The following L3MBTL2 variants were observed in gnomAD, a reference collection of about 807,000 sequenced individuals.
The protein encoded by L3MBTL2 is lethal(3)malignant brain tumor-like protein 2.
A neutral mutation model predicts 86.4 loss-of-function variants in L3MBTL2; 49 were observed. The ratio of observed to expected loss-of-function variants is 0.57; its 90% CI spans 0.45 to 0.72. L3MBTL2 has a LOEUF of 0.72. L3MBTL2 is among the 30% of genes least tolerant of loss of function. The pLI, the probability that L3MBTL2 is intolerant of heterozygous loss-of-function variation, is 0.00. For missense variants in L3MBTL2, 755 were observed against 923.7 expected (o/e 0.82, Z 2.37); for synonymous variants, 336 against 350.6 (o/e 0.96, Z 0.47).
Position 41,224,620 on chromosome 22 carries a change from C to T in L3MBTL2, c.1175-105C>T, listed in dbSNP as rs1046958436. 3 of 810,792 alleles carry T rather than the reference C, an allele frequency of 3.7e-6. No individual in the cohort carries two copies. The highest frequency in any genetic ancestry group is 3.4e-5 in the African/African-American group (2 of 59,164). 50.2% of individuals were successfully genotyped at this position (810,792 alleles called of 1,614,324 possible). On this transcript the variant is annotated intron_variant, in intron 9 of 16. Transcript: ENST00000216237. This position sits in a 1 kb window ranked among gnomAD's most constrained non-coding sequence, Gnocchi z 4.9. ...TGAGATACAGAGATACAGCTGAGAACACGTGCAGAGCAGCCCCACATTCCC... is the reference window on the plus strand; with the variant it reads ...TGAGATACAGAGATACAGCTGAGAATACGTGCAGAGCAGCCCCACATTCCC...
chr22:41,226,625 C>A, intron 12 of L3MBTL2, 37 bp from the exon 13 acceptor site: 2 of 1,455,080 alleles, frequency 1.4e-6, no homozygotes, highest in Non-Finnish European at 1.9e-6. Context: ...TCCTGCTTCC[C>A]CCTCTCCCTC....
chr22:41,230,089 C>CCCCCCCCCCTCTTT (rs1569155063), intron 16 of L3MBTL2, 50 bp from the exon 17 acceptor site: 5 of 873,234 alleles, frequency 5.7e-6, no homozygotes, highest in South Asian at 3.2e-5. Flanking sequence ...GCCCCCACCC[C>CCCCCCCCCCTCTTT]TCCCAGAGTT....
chr22:41,212,846 G>A (rs993963233), intron 2 of L3MBTL2, among the ~76,000 whole-genome samples: 2 of 150,028 alleles, frequency 1.3e-5, no homozygotes, highest in Non-Finnish European at 3.0e-5. Context: ...AATGAGCCAA[G>A]ATGGCGCCAC....
rs778100819 is a variant in L3MBTL2, at chr22:41,227,179, C to T, written c.1678C>T (p.Arg560Ter). The T allele has an allele frequency of 1.9e-6, 3 of 1,613,608 alleles. No homozygotes were observed. The highest frequency in any genetic ancestry group is 1.1e-5 in the South Asian group (1 of 91,074). ...PRLICVATVKRVVHRLLSIHF... is the reference protein window; with the variant it reads ...PRLICVATVK The stretch of plus-strand genomic sequence containing the variant: ...GCTCATCTGTGTGGCCACGGTGAAA[C>T]GAGTGGTGCATCGGCTCCTCAGCAT... The change falls in exon 14 of 17, where the codon CGA becomes TGA. Residue 560 changes from arginine (R) to a stop codon, truncating the protein, a stop_gained. Transcript: ENST00000216237. LOFTEE classifies it high-confidence loss of function. The surrounding 1 kb of genome is among the most constrained non-coding windows in gnomAD (Gnocchi z 6.0).
chr22:41,229,507 T>A, intron 15 of L3MBTL2, 33 bp from the exon 16 acceptor site: 1 of 1,599,312 alleles, frequency 6.3e-7, no homozygotes, highest in Non-Finnish European at 8.6e-7. Context: ...AATACAACCC[T>A]AATGCTGGGT....
At chr22:41,212,522 G>C (rs139446) in intron 2 of L3MBTL2, among the ~76,000 whole-genome samples, 63,093 of 150,336 alleles carry the variant, frequency 0.42, 13,945 homozygotes, top group African/African-American at 0.56. Context: ...CCCAGCCTCC[G>C]GAGTAGCTGG....
At position 41,225,569 on chromosome 22, in the gene L3MBTL2, C is replaced by T; in HGVS notation, c.1357-225C>T. On this transcript the variant is annotated intron_variant, in intron 11 of 16. Coordinates refer to ENST00000216237, the MANE Select transcript of L3MBTL2 (RefSeq NM_031488.5). The surrounding 1 kb of genome is among the most constrained non-coding windows in gnomAD (Gnocchi z 4.1). ...CGGTCCAACAGGATGGACGCGGCCC[C>T]TGCTGGCGTGGTGTTTGCTGTCTAG... 6.6e-6 allele frequency among the ~76,000 whole-genome samples: 1 copy of T among 152,214 alleles called. No homozygotes were observed. Among genetic ancestry groups the T allele is most frequent in the Non-Finnish European group, 1.5e-5 (1 of 68,044 alleles).
chr22:41,224,327 T>A lies in L3MBTL2; in HGVS notation c.1174+76T>A. The A allele has an allele frequency of 8.6e-7, 1 of 1,163,580 alleles. No homozygotes were observed. The highest frequency in any genetic ancestry group is 1.5e-5 in the African/African-American group (1 of 66,166). 72.1% of individuals were successfully genotyped at this position (1,163,580 alleles called of 1,614,324 possible). The stretch of plus-strand genomic sequence containing the variant: ...CGGAGTGGGAGCACCTTCCTACTCG[T>A]CACAGCAGGTCAGCAGGTGGAGGTT... On this transcript the variant is annotated intron_variant, in intron 9 of 16. Transcript: ENST00000216237. This position sits in a 1 kb window ranked among gnomAD's most constrained non-coding sequence, Gnocchi z 4.9.
At chr22:41,220,983 C>G (rs1264671706) in intron 7 of L3MBTL2, 115 bp downstream of exon 7, 1 of 1,279,252 alleles carries the variant, frequency 7.8e-7, no homozygotes, top group Admixed American at 2.5e-5. Context: ...ACAGAATCCA[C>G]TTGCCCCCTG....
intron 2 of L3MBTL2, among the ~76,000 whole-genome samples, chr22:41,210,551 G>C (rs532363395): frequency 6.6e-6 from 1 of 152,122 alleles, no homozygotes; most frequent in Non-Finnish European, 1.5e-5. Flanking sequence ...GGATGGTCTC[G>C]ATCTCCTGAC....
At chr22:41,215,685 C>T (rs184845755) in intron 3 of L3MBTL2, among the ~76,000 whole-genome samples, 1 of 150,052 alleles carries the variant, frequency 6.7e-6, no homozygotes. Context: ...GACCCTCTCC[C>T]GAACATTCGC....
intron 15 of L3MBTL2, chr22:41,228,479 G>A: frequency 2.0e-6 from 2 of 985,458 alleles, no homozygotes; most frequent in Non-Finnish European, 2.4e-6. Flanking sequence ...ATGACAGCGA[G>A]GTGGGCTCCA....
At chr22:41,229,893 C>T (rs372320669) in intron 16 of L3MBTL2, among the ~76,000 whole-genome samples, 8 of 152,300 alleles carry the variant, frequency 5.3e-5, no homozygotes, top group African/African-American at 1.9e-4. Context: ...CCATCTCTAC[C>T]CCTACCTCTA....
In L3MBTL2 at chr22:41,227,157, C is replaced by T. The variant is rs529362318; in HGVS notation, c.1656C>T (p.Leu552=). 9.3e-6 allele frequency: 15 copies of T among 1,613,752 alleles called. No individual in the cohort carries two copies. The Admixed American group carries it at 1.8e-4, about 20-fold the overall frequency. ...LEAVDLMEPR[L]ICVATVKRVV... is the part of the protein sequence containing the mutation. ...CCGTGGACCTGATGGAGCCCCGGCT[C>T]ATCTGTGTGGCCACGGTGAAACGAG... The change falls in exon 14 of 17, where the codon CTC becomes CTT. Residue 552 remains leucine, a synonymous_variant. Coordinates refer to ENST00000216237, the MANE Select transcript of L3MBTL2 (RefSeq NM_031488.5). This position sits in a 1 kb window ranked among gnomAD's most constrained non-coding sequence, Gnocchi z 6.0.
chr22:41,215,033 G>A (rs1043673964), intron 3 of L3MBTL2, among the ~76,000 whole-genome samples: 1 of 152,046 alleles, frequency 6.6e-6, no homozygotes, highest in Non-Finnish European at 1.5e-5. Context: ...GTCCTACTCC[G>A]AAAGGTTCTG....
chr22:41,230,580 G>A lies in L3MBTL2; in HGVS notation c.*329G>A, dbSNP rs763579943. On this transcript the variant is annotated 3_prime_UTR_variant, in exon 17 of 17. Coordinates refer to ENST00000216237, the MANE Select transcript of L3MBTL2 (RefSeq NM_031488.5). ...AGATGGCCTCCCCCCGACCCGCCAC[G>A]GCCCTCAGTTGCCAGGGATGGGGCC... 1.7e-5 allele frequency: 6 copies of A among 344,922 alleles called. No individual in the cohort carries two copies. Among genetic ancestry groups the A allele is most frequent in the Admixed American group, 4.6e-5 (1 of 21,948 alleles). 21.4% of individuals were successfully genotyped at this position (344,922 alleles called of 1,614,324 possible). A position where few individuals can be genotyped will look rare whatever the true frequency, so the allele number is the denominator to read the frequency against.
chr22:41,230,073 T>TCGTCCCCCCCC, intron 16 of L3MBTL2, 66 bp from the exon 17 acceptor site: 1 of 1,024,398 alleles, frequency 9.8e-7, no homozygotes, highest in South Asian at 1.4e-5. Context: ...CTTTCCCAGC[T>TCGTCCCCCCCC]CCTCCGCCCC....
intron 3 of L3MBTL2, among the ~76,000 whole-genome samples, 199 bp from the exon 4 acceptor site, chr22:41,215,940 C>G (rs549230779): frequency 6.6e-6 from 1 of 152,214 alleles, no homozygotes; most frequent in East Asian, 1.9e-4. Context: ...CCTAGCACCC[C>G]CTAGCACCCC....
chr22:41,210,131 GAAGTCT>G lies in L3MBTL2; in HGVS notation c.262+201_262+206del, dbSNP rs1601489165. The G allele has an allele frequency of 1.7e-5, 6 of 357,522 alleles. No individual in the cohort carries two copies. The East Asian group carries it at 3.0e-4, about 18-fold the overall frequency. 22.1% of individuals were successfully genotyped at this position (357,522 alleles called of 1,614,324 possible). A position where few individuals can be genotyped will look rare whatever the true frequency, so the allele number is the denominator to read the frequency against. ...AGCCACTGTGTTAACTTCCTTTGCT[GAAGTCT>G]AATTTCTTTTTTTTTTTTTTTTTTT... On this transcript the variant is annotated intron_variant, in intron 2 of 16. Transcript: ENST00000216237.
Sources: allele counts gnomAD v4.1 joint callset (sites outside exome capture counted in the v4.1 genomes callset), GRCh38; gene constraint gnomAD v4.1.1; non-coding constraint Gnocchi (gnomAD v3.1); transcripts MANE v1.5; gene names NCBI Gene and HGNC (gene_info 2026-07-23, HGNC 2026-07-21).